The following AREG variants were observed in gnomAD, a reference collection of about 807,000 sequenced individuals.
The protein encoded by AREG is amphiregulin.
In AREG, 16 loss-of-function variants were observed where a neutral mutation model predicts 28.0. That is an observed-to-expected ratio of 0.57 (90% CI 0.39 to 0.87). The LOEUF (loss-of-function observed/expected upper bound fraction) is 0.87. AREG is among the 40% of genes least tolerant of loss of function. AREG has a pLI of 0.00. For synonymous variants in AREG, 113 were observed against 113.5 expected (o/e 1.00, Z 0.02); for missense variants, 287 against 309.1 (o/e 0.93, Z 0.53).
chr4:74,448,722 T>G, intron 2 of AREG: 1 of 245,160 alleles, frequency 4.1e-6, no homozygotes, highest in Non-Finnish European at 8.0e-6. Flanking sequence ...AATTATCAAT[T>G]TGATTATAAT....
At chr4:74,450,330 C>T (rs1475867783) in intron 3 of AREG, 50 bp from the exon 4 acceptor site, 14 of 1,613,454 alleles carry the variant, frequency 8.7e-6, no homozygotes, top group Non-Finnish European at 1.2e-5. Context: ...AAGCTTAAAA[C>T]ACACCGCACG....
intron 5 of AREG, 113 bp from the exon 6 acceptor site, chr4:74,454,646 G>T: frequency 1.8e-6 from 1 of 548,192 alleles, no homozygotes; most frequent in Non-Finnish European, 3.2e-6. Flanking sequence ...ACAACTGACA[G>T]AAATTCTGAT....
At chr4:74,445,649 G>A (rs1388055871) in intron 1 of AREG, among the ~76,000 whole-genome samples, 1 of 152,206 alleles carries the variant, frequency 6.6e-6, no homozygotes. Flanking sequence ...AGACGGGAGA[G>A]ATCATTTGAA....
chr4:74,447,940 A>C (rs1305163037), intron 2 of AREG, among the ~76,000 whole-genome samples: 1 of 152,258 alleles, frequency 6.6e-6, no homozygotes, highest in Non-Finnish European at 1.5e-5. Flanking sequence ...TCTCTTAAAC[A>C]TGTTTCAAGT....
chr4:74,448,996 A>T, intron 2 of AREG, 51 bp from the exon 3 acceptor site: 1 of 1,599,590 alleles, frequency 6.3e-7, no homozygotes, highest in South Asian at 1.1e-5. Context: ...ATGTCTCTAA[A>T]ATTATATTCA....
At chr4:74,446,896 G>A in intron 2 of AREG, 114 bp downstream of exon 2, 17 of 1,439,104 alleles carry the variant, frequency 1.2e-5, no homozygotes, top group Non-Finnish European at 1.6e-5. Flanking sequence ...TTGTATATCT[G>A]TTGGATAGCC....
chr4:74,448,054 A>G (rs1016434860), intron 2 of AREG, among the ~76,000 whole-genome samples: 7 of 152,226 alleles, frequency 4.6e-5, no homozygotes, highest in Non-Finnish European at 1.0e-4. Context: ...TTGGCTGAAC[A>G]CCTTCGAAAG....
intron 5 of AREG, among the ~76,000 whole-genome samples, chr4:74,453,866 G>A (rs1719418350): frequency 6.6e-6 from 1 of 150,916 alleles, no homozygotes; most frequent in Non-Finnish European, 1.5e-5. Context: ...GTTGCAGTAA[G>A]CCAAGATCGC....
intron 1 of AREG, 118 bp downstream of exon 1, chr4:74,445,524 G>A (rs1719267726): frequency 2.6e-6 from 4 of 1,530,066 alleles, no homozygotes; most frequent in Non-Finnish European, 3.5e-6. Flanking sequence ...CTGCGCCGCA[G>A]GAGGTGATCA....
chr4:74,447,457 A>G (rs1719312249), intron 2 of AREG, among the ~76,000 whole-genome samples: 1 of 152,214 alleles, frequency 6.6e-6, no homozygotes, highest in Non-Finnish European at 1.5e-5. Context: ...CTTTAACCCC[A>G]AATCCCATTT....
At chr4:74,445,983 A>G (rs1719278865) in intron 1 of AREG, among the ~76,000 whole-genome samples, 1 of 152,184 alleles carries the variant, frequency 6.6e-6, no homozygotes, top group African/African-American at 2.4e-5. Context: ...AATGACAATA[A>G]TAATCGATAT....
At position 74,454,772 on chromosome 4, in the gene AREG, A is replaced by C; in HGVS notation, c.*32A>C. On this transcript the variant is annotated 3_prime_UTR_variant, in exon 6 of 6. Transcript: ENST00000395748. Reference sequence around the variant, plus strand: ...ATTTTCTCACAGGATATCACATTGGAGTCACTGCCAAGTCATAGCCATAAA... The same window carrying C: ...ATTTTCTCACAGGATATCACATTGGCGTCACTGCCAAGTCATAGCCATAAA... 2.9e-6 allele frequency: 2 copies of C among 697,840 alleles called. No homozygotes were observed. The highest frequency in any genetic ancestry group is 3.0e-5 in the South Asian group (2 of 66,788). The allele number at this position is 697,840 out of a possible 1,614,324, so 43.2% of individuals were successfully genotyped here.
At chr4:74,447,633 A>T (rs1719314848) in intron 2 of AREG, among the ~76,000 whole-genome samples, 1 of 152,230 alleles carries the variant, frequency 6.6e-6, no homozygotes, top group African/African-American at 2.4e-5. Context: ...TCCTAAGAGC[A>T]TCCACTACAG....
chr4:74,449,934 T>TC (rs1719354760), intron 3 of AREG, among the ~76,000 whole-genome samples: 2 of 117,352 alleles, frequency 1.7e-5, no homozygotes, highest in Admixed American at 9.1e-5. Flanking sequence ...CTCTCTCTCT[T>TC]TCTTTCTATA....
At chr4:74,451,924 A>G (rs1719387860) in intron 4 of AREG, among the ~76,000 whole-genome samples, 2 of 152,182 alleles carry the variant, frequency 1.3e-5, no homozygotes, top group Non-Finnish European at 2.9e-5. Flanking sequence ...GTTTGTTTTC[A>G]TAATTGAGGT....
At chr4:74,449,738 G>A (rs1209204833) in intron 3 of AREG, among the ~76,000 whole-genome samples, 1 of 152,148 alleles carries the variant, frequency 6.6e-6, no homozygotes, top group East Asian at 1.9e-4. Flanking sequence ...CTGGGAGACA[G>A]AGCGAGGCCC....
At position 74,445,169 on chromosome 4, in the gene AREG, A is replaced by G. The variant is rs948612594; in HGVS notation, c.-177A>G. ...GCACACCTGGGTGCCAGCGCCCCAG[A>G]GGTCCCGGGACAGCCCGAGGCGCCG... is the stretch of plus-strand genomic sequence containing the variant. On this transcript the variant is annotated 5_prime_UTR_variant, in exon 1 of 6. Coordinates refer to ENST00000395748, the MANE Select transcript of AREG (RefSeq NM_001657.4). The G allele has an allele frequency of 5.9e-5, 82 of 1,389,856 alleles. No individual in the cohort carries two copies. The highest frequency in any genetic ancestry group is 5.2e-4 in the Middle Eastern group (2 of 3,814). 86.1% of individuals were successfully genotyped at this position (1,389,856 alleles called of 1,614,324 possible). A position where few individuals can be genotyped will look rare whatever the true frequency, so the allele number is the denominator to read the frequency against.
At chr4:74,454,323 G>C (rs1719425773) in intron 5 of AREG, among the ~76,000 whole-genome samples, 1 of 152,194 alleles carries the variant, frequency 6.6e-6, no homozygotes, top group Non-Finnish European at 1.5e-5. Flanking sequence ...CATAGTGGGT[G>C]CCTATTAACT....
In AREG at chr4:74,445,864, T is replaced by C. The variant is rs1246688987; in HGVS notation, c.61+458T>C. 7.9e-5 allele frequency among the ~76,000 whole-genome samples: 12 copies of C among 152,302 alleles called. 1 individual carries two copies. In the East Asian group the frequency reaches 1.3e-3, roughly 17 times the overall value. ...AAAGCACCACTCTGATGCTGTTTTA[T>C]TGAGACCTAAGAAAAAGCAAGATAA... On this transcript the variant is annotated intron_variant, in intron 1 of 5. Coordinates refer to ENST00000395748, the MANE Select transcript of AREG (RefSeq NM_001657.4).
Sources: allele counts gnomAD v4.1 joint callset (sites outside exome capture counted in the v4.1 genomes callset), GRCh38; gene constraint gnomAD v4.1.1; transcripts MANE v1.5; gene names NCBI Gene and HGNC (gene_info 2026-07-23, HGNC 2026-07-21).